The following KCNQ5 variants were observed in gnomAD, a reference collection of about 807,000 sequenced individuals.
KCNQ5 encodes potassium voltage-gated channel subfamily Q member 5, also known as potassium voltage-gated channel subfamily KQT member 5.
Under a neutral mutation model 98.2 loss-of-function variants are expected in KCNQ5, and 30 were observed. That is an observed-to-expected ratio of 0.31 (90% CI 0.23 to 0.41). The LOEUF (loss-of-function observed/expected upper bound fraction) is 0.41, where lower values mean the gene tolerates loss of function less well. Ranked by LOEUF, KCNQ5 falls within the 10% of genes least tolerant of loss-of-function variation. KCNQ5 has a pLI of 1.00. For synonymous variants in KCNQ5, 458 were observed against 449.4 expected (o/e 1.02, Z -0.24); for missense variants, 835 against 1,182.5 (o/e 0.71, Z 4.31).
At chr6:73,026,947 A>G (rs554920805) in intron 2 of KCNQ5, among the ~76,000 whole-genome samples, 1 of 152,222 alleles carries the variant, frequency 6.6e-6, no homozygotes, top group Admixed American at 6.5e-5. Context: ...GCTCTGCTGA[A>G]TGAATGAATG....
chr6:73,079,735 G>C (rs1400652699), intron 5 of KCNQ5, among the ~76,000 whole-genome samples: 2 of 152,212 alleles, frequency 1.3e-5, no homozygotes, highest in African/African-American at 4.8e-5. Context: ...TCGAAAAAGA[G>C]TGGAAGCTTG....
chr6:73,125,283 C>A (rs769802383), intron 9 of KCNQ5: 37 of 338,884 alleles, frequency 1.1e-4, no homozygotes, highest in Non-Finnish European at 2.1e-4. Context: ...AGAGGGAATA[C>A]GAGGTGAAAG....
chr6:73,002,072 A>G (rs1769602698), intron 1 of KCNQ5, among the ~76,000 whole-genome samples: 1 of 152,156 alleles, frequency 6.6e-6, no homozygotes, highest in South Asian at 2.1e-4. Context: ...TAAAGTTACA[A>G]TGAGCTATGA....
intron 1 of KCNQ5, among the ~76,000 whole-genome samples, chr6:72,885,944 A>T (rs941559066): frequency 6.6e-6 from 1 of 152,228 alleles, no homozygotes; most frequent in East Asian, 1.9e-4. Context: ...CTCTTATATG[A>T]GTGTCAACTT....
chr6:72,680,033 G>T (rs1436162238), intron 1 of KCNQ5, among the ~76,000 whole-genome samples: 4 of 152,068 alleles, frequency 2.6e-5, no homozygotes, highest in East Asian at 1.9e-4. Context: ...ACAGAGCAAG[G>T]CTCCATCTCA....
At chr6:72,877,369 C>T (rs1014339641) in intron 1 of KCNQ5, among the ~76,000 whole-genome samples, 7 of 152,156 alleles carry the variant, frequency 4.6e-5, no homozygotes, top group Non-Finnish European at 8.8e-5. Flanking sequence ...CCAGCTTCAT[C>T]CATGTCCCTG....
intron 10 of KCNQ5, among the ~76,000 whole-genome samples, chr6:73,150,918 A>G (rs1022105874): frequency 1.3e-5 from 2 of 151,924 alleles, no homozygotes; most frequent in Non-Finnish European, 2.9e-5. Flanking sequence ...GCCAGTAATC[A>G]TGGTGGGAGC....
intron 1 of KCNQ5, among the ~76,000 whole-genome samples, chr6:72,739,278 A>G (rs1396393848): frequency 6.6e-6 from 1 of 152,232 alleles, no homozygotes; most frequent in African/African-American, 2.4e-5. Context: ...CAAAAAGGAT[A>G]TAATTGTGGG....
At chr6:72,932,642 A>G (rs1765737702) in intron 1 of KCNQ5, among the ~76,000 whole-genome samples, 1 of 152,110 alleles carries the variant, frequency 6.6e-6, no homozygotes, top group South Asian at 2.1e-4. Flanking sequence ...TTTATAACTT[A>G]TTTTCATGTA....
At chr6:73,065,062 A>AT (rs1442191268) in intron 3 of KCNQ5, among the ~76,000 whole-genome samples, 3 of 151,130 alleles carry the variant, frequency 2.0e-5, no homozygotes, top group Non-Finnish European at 3.0e-5. Context: ...AAAAAAAAAA[A>AT]AATCTACTGC....
chr6:72,769,468 G>C (rs968492703), intron 1 of KCNQ5, among the ~76,000 whole-genome samples: 1 of 151,692 alleles, frequency 6.6e-6, no homozygotes, highest in African/African-American at 2.4e-5. Flanking sequence ...ATAAAATATC[G>C]ATGTCTAAGC....
intron 1 of KCNQ5, among the ~76,000 whole-genome samples, chr6:72,980,291 G>C (rs978471804): frequency 6.6e-6 from 1 of 152,066 alleles, no homozygotes; most frequent in Admixed American, 6.6e-5. Context: ...TCACAATATT[G>C]ATTCTTCCTA....
intron 1 of KCNQ5, among the ~76,000 whole-genome samples, chr6:72,961,023 C>T (rs1767318760): frequency 6.6e-6 from 1 of 152,166 alleles, no homozygotes; most frequent in African/African-American, 2.4e-5. Flanking sequence ...CTGTAGTTTC[C>T]ACTAGTGAGC....
chr6:72,631,167 G>A (rs1474794140), intron 1 of KCNQ5, among the ~76,000 whole-genome samples: 1 of 152,180 alleles, frequency 6.6e-6, no homozygotes, highest in Non-Finnish European at 1.5e-5. Flanking sequence ...CAATAGAGGT[G>A]GAACAACAGG....
intron 1 of KCNQ5, among the ~76,000 whole-genome samples, chr6:72,928,638 GA>G (rs1366720667): frequency 6.6e-6 from 1 of 151,860 alleles, no homozygotes; most frequent in Non-Finnish European, 1.5e-5. Context: ...CCTTATTTTA[GA>G]AAAACAAATC....
chr6:72,930,046 T>G (rs1765619400), intron 1 of KCNQ5, among the ~76,000 whole-genome samples: 1 of 152,148 alleles, frequency 6.6e-6, no homozygotes, highest in Non-Finnish European at 1.5e-5. Context: ...TTACATTTGA[T>G]GTTATTGTTT....
intron 11 of KCNQ5, among the ~76,000 whole-genome samples, chr6:73,183,603 A>T (rs1361888411): frequency 6.6e-6 from 1 of 152,158 alleles, no homozygotes; most frequent in African/African-American, 2.4e-5. Flanking sequence ...GAAATAAGAA[A>T]ATGCTGCAGG....
chr6:72,922,330 C>T (rs1387007191), intron 1 of KCNQ5, among the ~76,000 whole-genome samples: 1 of 152,134 alleles, frequency 6.6e-6, no homozygotes, highest in Non-Finnish European at 1.5e-5. Flanking sequence ...TTACAGTTTA[C>T]AACATGATTT....
chr6:73,164,204 A>G (rs771226928), intron 10 of KCNQ5, among the ~76,000 whole-genome samples: 2 of 152,172 alleles, frequency 1.3e-5, no homozygotes, highest in African/African-American at 2.4e-5. Flanking sequence ...ATTTCCAAGA[A>G]CCTACCGAAG....
Sources: gnomAD v4.1 joint callset for allele counts (sites outside exome capture counted in the v4.1 genomes callset) on GRCh38, gnomAD v4.1.1 for gene constraint, MANE v1.5 for transcripts, NCBI Gene and HGNC (gene_info 2026-07-23, HGNC 2026-07-21) for gene names.